The following ICE1 variants were observed in gnomAD, a reference collection of about 807,000 sequenced individuals.
The protein encoded by ICE1 is interactor of little elongation complex ELL subunit 1.
ICE1 carries 64 observed loss-of-function variants against 192.7 expected under a neutral mutation model. That is an observed-to-expected ratio of 0.33 (90% CI 0.27 to 0.41). ICE1 has a LOEUF of 0.41. ICE1 is among the 10% of genes least tolerant of loss of function. The probability of loss-of-function intolerance (pLI) is 1.00; values close to 1 mark genes in which losing one functional copy is unlikely to be tolerated. For missense variants in ICE1, 2,708 were observed against 2,696.0 expected (o/e 1.00, Z -0.10); for synonymous variants, 1,010 against 984.5 (o/e 1.03, Z -0.49).
intron 1 of ICE1, among the ~76,000 whole-genome samples, chr5:5,429,013 GA>G (rs1737615226): frequency 6.6e-6 from 1 of 152,190 alleles, no homozygotes; most frequent in African/African-American, 2.4e-5. Context: ...AAAGCATACA[GA>G]GTGAAGTCAG....
chr5:5,471,908 C>T (rs1309807432), intron 15 of ICE1, among the ~76,000 whole-genome samples: 1 of 152,072 alleles, frequency 6.6e-6, no homozygotes, highest in African/African-American at 2.4e-5. Flanking sequence ...TTTAAGGATG[C>T]TCTATATGTA....
Position 5,489,933 on chromosome 5 carries a change from A to AT in ICE1, c.*604dup, listed in dbSNP as rs1365986245. The AT allele has an allele frequency of 6.6e-6, 1 of 152,256 alleles. No individual in the cohort carries two copies. Among genetic ancestry groups the AT allele is most frequent in the Non-Finnish European group, 1.5e-5 (1 of 68,066 alleles). The allele number at this position is 152,256 out of a possible 1,614,324, so 9.4% of individuals were successfully genotyped here. On this transcript the variant is annotated 3_prime_UTR_variant, in exon 19 of 19. Transcript: ENST00000296564. ...GTTCCTTAAAAATATGTGACAATGC[A>AT]TCAGGAAGAGGAGAACTGAAGAGTA...
At position 5,457,428 on chromosome 5, in the gene ICE1, A is replaced by G. The variant is rs201032155; in HGVS notation, c.788A>G (p.Gln263Arg). The G allele has an allele frequency of 1.3e-4, 203 of 1,613,884 alleles. No individual in the cohort carries two copies. The highest frequency in any genetic ancestry group is 1.8e-4 in the Admixed American group (11 of 60,014). The stretch of plus-strand genomic sequence containing the variant: ...AGCCCTCTCAGGACCTCAAATGTGC[A>G]GACATGCCTCACAAAACTGTCCATG... ...QGSPLRTSNV[Q>R]TCLTKLSMEI... is the part of the protein sequence containing the mutation. Residue 263 changes from glutamine (Q) to arginine (R), a missense_variant, in exon 12 of 19, where the codon CAG (glutamine) becomes CGG (arginine). Physicochemically the swap from Gln to Arg is conservative, Grantham distance 43. Transcript: ENST00000296564.
At chr5:5,435,940 A>G (rs1045655253) in intron 1 of ICE1, among the ~76,000 whole-genome samples, 1 of 152,120 alleles carries the variant, frequency 6.6e-6, no homozygotes, top group Non-Finnish European at 1.5e-5. Context: ...TGCTGGGATT[A>G]TAGGCATGAG....
intron 18 of ICE1, among the ~76,000 whole-genome samples, chr5:5,488,126 C>T (rs1162454855): frequency 1.3e-5 from 2 of 152,254 alleles, no homozygotes; most frequent in South Asian, 2.1e-4. Flanking sequence ...CTGTGTGCCC[C>T]GTGCTCTGTG....
rs1405062410 is a variant in ICE1, at chr5:5,462,048, A to T, written c.2714A>T (p.Asp905Val). The T allele has an allele frequency of 6.6e-5, 106 of 1,613,880 alleles. No homozygotes were observed. The highest frequency in any genetic ancestry group is 8.8e-5 in the Non-Finnish European group (104 of 1,179,912). ...KTGMSTVAKC[D>V]GERDDTTQNI... ...GGTATGTCAACTGTAGCAAAATGTG[A>T]TGGGGAAAGAGATGATACAACACAA... The change falls in exon 13 of 19, where the codon GAT becomes GTT. Residue 905 changes from aspartate (D) to valine (V), a missense_variant. Asp to Val is a radical substitution (Grantham distance 152, BLOSUM62 -3). This residue lies in a region of ICE1 where 2,366 missense variants were observed against 2,276.6 expected (regional missense o/e 1.04). Coordinates refer to ENST00000296564, the MANE Select transcript of ICE1 (RefSeq NM_015325.3).
intron 11 of ICE1, among the ~76,000 whole-genome samples, chr5:5,456,584 AT>A (rs762216617): frequency 2.0e-5 from 3 of 149,582 alleles, no homozygotes; most frequent in South Asian, 4.3e-4. Flanking sequence ...TAAATACTCC[AT>A]TTTTTTTTGA....
chr5:5,480,635 G>A (rs1739478361), intron 17 of ICE1, among the ~76,000 whole-genome samples: 1 of 152,182 alleles, frequency 6.6e-6, no homozygotes. Context: ...TCTAAAAATA[G>A]ATCACAGTAG....
intron 1 of ICE1, among the ~76,000 whole-genome samples, chr5:5,429,375 GC>G (rs1737629577): frequency 6.6e-6 from 1 of 152,132 alleles, no homozygotes; most frequent in South Asian, 2.1e-4. Flanking sequence ...ACAGCCAATG[GC>G]CCACCTTGCA....
chr5:5,423,624 C>T (rs1360089738), intron 1 of ICE1, among the ~76,000 whole-genome samples: 2 of 152,160 alleles, frequency 1.3e-5, no homozygotes, highest in East Asian at 3.9e-4. Flanking sequence ...GGCGTGGGCT[C>T]TTCTTTAGAG....
chr5:5,462,248 G>A lies in ICE1; in HGVS notation c.2914G>A (p.Val972Met). 6.2e-7 allele frequency: 1 copy of A among 1,612,140 alleles called. No individual in the cohort carries two copies. Among genetic ancestry groups the A allele is most frequent in the Non-Finnish European group, 8.5e-7 (1 of 1,178,780 alleles). The part of the protein sequence containing the change: ...ENILIQNQDI[V>M]REAAVQGDGQ... ...TATCCTCATCCAAAACCAAGACATT[G>A]TGAGAGAAGCTGCAGTGCAGGGAGA... The change falls in exon 13 of 19, where the codon GTG becomes ATG. Residue 972 changes from valine to methionine, a missense_variant. This residue lies in a region of ICE1 where 2,366 missense variants were observed against 2,276.6 expected (regional missense o/e 1.04). Coordinates refer to ENST00000296564, the MANE Select transcript of ICE1 (RefSeq NM_015325.3).
rs1425544651 is a variant in ICE1, at chr5:5,457,324, C to T, written c.692-8C>T. The T allele has an allele frequency of 6.3e-7, 1 of 1,583,762 alleles. No homozygotes were observed. Among genetic ancestry groups the T allele is most frequent in the Non-Finnish European group, 8.6e-7 (1 of 1,166,462 alleles). Reference sequence around the variant, plus strand: ...ATACCTGATACCTACTTTTGTTCCCCCACATAGAAAAACCTGCCAAAGCAA... The same window carrying T: ...ATACCTGATACCTACTTTTGTTCCCTCACATAGAAAAACCTGCCAAAGCAA... On this transcript the variant is annotated splice_region_variant and splice_polypyrimidine_tract_variant and intron_variant, in intron 11 of 18. Coordinates refer to ENST00000296564, the MANE Select transcript of ICE1 (RefSeq NM_015325.3).
chr5:5,487,201 A>G (rs1244077151), intron 18 of ICE1, among the ~76,000 whole-genome samples: 3 of 152,204 alleles, frequency 2.0e-5, no homozygotes, highest in Non-Finnish European at 4.4e-5. Flanking sequence ...CGTGATGTAC[A>G]GTGAGATGCC....
At chr5:5,428,667 AC>A (rs1327731232) in intron 1 of ICE1, among the ~76,000 whole-genome samples, 2 of 151,884 alleles carry the variant, frequency 1.3e-5, no homozygotes, top group African/African-American at 4.8e-5. Flanking sequence ...ATTACCCTAC[AC>A]CCCTCCAAAT....
intron 1 of ICE1, among the ~76,000 whole-genome samples, chr5:5,424,389 A>G (rs1293919703): frequency 1.6e-5 from 2 of 125,052 alleles, no homozygotes; most frequent in African/African-American, 6.3e-5. Flanking sequence ...CGCCCCCGCC[A>G]CCACCACCCC....
chr5:5,471,197 A>C (rs1161259495), intron 15 of ICE1, among the ~76,000 whole-genome samples: 1 of 152,198 alleles, frequency 6.6e-6, no homozygotes, highest in East Asian at 1.9e-4. Context: ...GAAAGTAGAC[A>C]TATAGGACAC....
At chr5:5,473,440 A>T in intron 15 of ICE1, 118 bp from the exon 16 acceptor site, 2 of 856,322 alleles carry the variant, frequency 2.3e-6, no homozygotes, top group Non-Finnish European at 3.5e-6. Context: ...TGTTTTAAAA[A>T]GCTATTTCAG....
chr5:5,457,688 C>G lies in ICE1; in HGVS notation c.1048C>G (p.Pro350Ala). Residue 350 changes from proline to alanine, a missense_variant, in exon 12 of 19, where the codon CCC becomes GCC. Pro to Ala is a conservative substitution (Grantham distance 27, BLOSUM62 -1). Coordinates refer to ENST00000296564, the MANE Select transcript of ICE1 (RefSeq NM_015325.3). Reference protein sequence around the residue: ...PPPLLSPVPSPPPMSSPHPGS... With the variant: ...PPPLLSPVPSAPPMSSPHPGS... ...TCCTCTTCTGTCACCAGTGCCCTCG[C>G]CCCCTCCGATGTCATCACCTCACCC... 1 of 1,613,874 alleles carries G rather than the reference C, an allele frequency of 6.2e-7. No individual in the cohort carries two copies. Among genetic ancestry groups the G allele is most frequent in the Non-Finnish European group, 8.5e-7 (1 of 1,179,842 alleles).
chr5:5,443,134 T>C (rs1021258246), intron 5 of ICE1, 34 bp from the exon 6 acceptor site: 2 of 1,246,388 alleles, frequency 1.6e-6, no homozygotes, highest in Non-Finnish European at 2.2e-6. Context: ...TGACTTTCAT[T>C]TTGACAATAT....
Sources: gnomAD v4.1 joint callset for allele counts (sites outside exome capture counted in the v4.1 genomes callset) on GRCh38, gnomAD v4.1.1 for gene constraint, gnomAD v4.1.1 regional missense constraint, MANE v1.5 for transcripts, NCBI Gene and HGNC (gene_info 2026-07-23, HGNC 2026-07-21) for gene names.